Variants in MYO9A observed in about 807,000 individuals in gnomAD.
MYO9A encodes the protein unconventional myosin-IXa.
Under a neutral mutation model 293.3 loss-of-function variants are expected in MYO9A, and 103 were observed. The observed-to-expected ratio is 0.35, with a 90% confidence interval of 0.30 to 0.41. The LOEUF (loss-of-function observed/expected upper bound fraction) is 0.41. Among genes scored for constraint, MYO9A ranks in the 10% least tolerant of loss-of-function variants. The pLI is 1.00. For synonymous variants in MYO9A, 1,001 were observed against 1,035.7 expected (o/e 0.97, Z 0.64); for missense variants, 2,685 against 3,033.0 (o/e 0.89, Z 2.69).
intron 13 of MYO9A, among the ~76,000 whole-genome samples, chr15:71,966,310 G>GTGTGTGTGTGTGTGTGT (rs2075876885): frequency 6.7e-6 from 1 of 149,528 alleles, no homozygotes; most frequent in Non-Finnish European, 1.5e-5. Flanking sequence ...GTGTGTGTAT[G>GTGTGTGTGTGTGTGTGT]ATTCTATTTA....
chr15:72,095,491 A>G (rs2080037058), intron 1 of MYO9A, among the ~76,000 whole-genome samples: 1 of 92,954 alleles, frequency 1.1e-5, no homozygotes, highest in East Asian at 2.3e-4. Context: ...CCACAACATA[A>G]AAGTGCAAGG....
At chr15:72,054,931 A>T (rs1226789814) in intron 1 of MYO9A, among the ~76,000 whole-genome samples, 3 of 141,832 alleles carry the variant, frequency 2.1e-5, no homozygotes, top group African/African-American at 7.6e-5. Context: ...TGAAAGAATT[A>T]AAAAAAAAAA....
intron 14 of MYO9A, among the ~76,000 whole-genome samples, chr15:71,957,868 T>C (rs996952846): frequency 2.0e-5 from 3 of 152,186 alleles, no homozygotes; most frequent in Non-Finnish European, 4.4e-5. Context: ...GCCTAGCCTT[T>C]TTAGACTAGT....
intron 1 of MYO9A, among the ~76,000 whole-genome samples, chr15:72,085,158 G>A (rs2079676392): frequency 6.6e-6 from 1 of 152,160 alleles, no homozygotes; most frequent in Non-Finnish European, 1.5e-5. Context: ...ACTTTGGGAG[G>A]CCAAGGTGGG....
At chr15:71,877,531 A>G (rs2056732064) in intron 31 of MYO9A, among the ~76,000 whole-genome samples, 1 of 152,058 alleles carries the variant, frequency 6.6e-6, no homozygotes, top group Non-Finnish European at 1.5e-5. Context: ...GACCTTGGCT[A>G]ACTACAACCT....
intron 6 of MYO9A, among the ~76,000 whole-genome samples, chr15:72,012,360 T>C (rs1279974970): frequency 6.6e-6 from 1 of 152,176 alleles, no homozygotes; most frequent in Admixed American, 6.5e-5. Flanking sequence ...AATGACGCGA[T>C]GTCTGCTCAG....
At chr15:72,014,393 T>C (rs903419689) in intron 6 of MYO9A, among the ~76,000 whole-genome samples, 14 of 151,920 alleles carry the variant, frequency 9.2e-5, no homozygotes, top group East Asian at 5.8e-4. Flanking sequence ...TTTTAAGAAA[T>C]AGAGACAAGT....
intron 14 of MYO9A, among the ~76,000 whole-genome samples, chr15:71,953,261 C>T (rs759046980): frequency 1.6e-4 from 24 of 152,296 alleles, no homozygotes; most frequent in South Asian, 4.1e-4. Context: ...TGATGGATTG[C>T]TTGGAGAAAG....
chr15:72,100,528 C>T (rs1223556218), intron 1 of MYO9A, among the ~76,000 whole-genome samples: 1 of 145,720 alleles, frequency 6.9e-6, no homozygotes, highest in Non-Finnish European at 1.5e-5. Flanking sequence ...CGCCTCTTTC[C>T]GGCCGCCATC....
At position 71,826,772 on chromosome 15, in the gene MYO9A, A is replaced by T; in HGVS notation, c.7455T>A (p.Pro2485=). ...LGQTKFLEDK[P]QFISRGTFNP... ...TGAAGGTTCCTCTGCTGATGAACTG[A>T]GGCTTGTCTTCCAGGAATTTGGTCT... The change falls in exon 42 of 42, where the codon CCT becomes CCA. Residue 2485 remains proline, a synonymous_variant. Transcript: ENST00000356056. 7 of 1,614,040 alleles carry T rather than the reference A, an allele frequency of 4.3e-6. No homozygotes were observed. Among genetic ancestry groups the T allele is most frequent in the Non-Finnish European group, 5.9e-6 (7 of 1,179,986 alleles).
Position 71,859,771 on chromosome 15 carries a change from C to T in MYO9A, c.6117G>A (p.Lys2039=). 6.2e-7 allele frequency: 1 copy of T among 1,613,392 alleles called. No individual in the cohort carries two copies. Among genetic ancestry groups the T allele is most frequent in the Non-Finnish European group, 8.5e-7 (1 of 1,179,660 alleles). ...CKLCKYACHK[K]CCLKTTAKCS... Reference sequence around the variant, plus strand: ...ACTTGGCTGTGGTTTTCAGACAGCACTTCTTATGGCAAGCATACTTGCATA... The same window carrying T: ...ACTTGGCTGTGGTTTTCAGACAGCATTTCTTATGGCAAGCATACTTGCATA... The change falls in exon 34 of 42, where the codon AAG becomes AAA. Residue 2039 remains lysine, a synonymous_variant. Transcript: ENST00000356056.
chr15:72,057,135 G>A (rs1016422882), intron 1 of MYO9A, among the ~76,000 whole-genome samples: 5 of 151,556 alleles, frequency 3.3e-5, no homozygotes, highest in Non-Finnish European at 7.4e-5. Context: ...AGCCAGGTGT[G>A]GTGGCACATG....
intron 25 of MYO9A, among the ~76,000 whole-genome samples, chr15:71,894,474 G>A (rs1267143692): frequency 6.6e-6 from 1 of 152,208 alleles, no homozygotes; most frequent in East Asian, 1.9e-4. Flanking sequence ...GTACTTGGAA[G>A]GCTGAGGTAG....
At chr15:72,102,069 T>C (rs1236240470) in intron 1 of MYO9A, among the ~76,000 whole-genome samples, 1 of 150,916 alleles carries the variant, frequency 6.6e-6, no homozygotes, top group East Asian at 2.0e-4. Context: ...GGGGAAAAGA[T>C]TGAGAAATCG....
intron 11 of MYO9A, among the ~76,000 whole-genome samples, chr15:71,979,175 T>A (rs1346936367): frequency 6.6e-6 from 1 of 152,186 alleles, no homozygotes; most frequent in Non-Finnish European, 1.5e-5. Flanking sequence ...TATTCATTAT[T>A]ATCCAGTAAA....
rs759371165 is a variant in MYO9A, at chr15:71,898,632, T to C, written c.3871A>G (p.Lys1291Glu). 7 of 1,614,148 alleles carry C rather than the reference T, an allele frequency of 4.3e-6. No homozygotes were observed. Among genetic ancestry groups the C allele is most frequent in the South Asian group, 3.3e-5 (3 of 91,080 alleles). The change falls in exon 25 of 42, where the codon AAA (lysine) becomes GAA (glutamate). Residue 1291 changes from lysine to glutamate, a missense_variant. Coordinates refer to ENST00000356056, the MANE Select transcript of MYO9A (RefSeq NM_006901.4). ...GAAATACCACCAAGAGAACGAACTT[T>C]CAGCAATTCTAAGCTAAATATAGCT... is the stretch of plus-strand genomic sequence containing the variant. ...EQAIFSLELL[K>E]VRSLGGISPS... is the part of the protein sequence containing the mutation.
chr15:71,977,865 G>A (rs569063778), intron 12 of MYO9A, among the ~76,000 whole-genome samples: 5 of 152,064 alleles, frequency 3.3e-5, no homozygotes, highest in South Asian at 2.1e-4. Context: ...GTGAAACCCC[G>A]TCTGTACTAA....
intron 27 of MYO9A, among the ~76,000 whole-genome samples, chr15:71,885,583 T>C (rs1050085863): frequency 1.3e-5 from 2 of 152,116 alleles, no homozygotes; most frequent in Non-Finnish European, 2.9e-5. Context: ...TGCTGTGCAG[T>C]TGTCATTTGA....
chr15:71,854,345 A>T, intron 35 of MYO9A, 32 bp downstream of exon 35: 1 of 1,353,256 alleles, frequency 7.4e-7, no homozygotes, highest in Middle Eastern at 1.9e-4. Flanking sequence ...AAATAAAAGT[A>T]TTTCATTATG....
Sources: gnomAD v4.1 joint callset for allele counts (sites outside exome capture counted in the v4.1 genomes callset) on GRCh38, gnomAD v4.1.1 for gene constraint, MANE v1.5 for transcripts, NCBI Gene and HGNC (gene_info 2026-07-23, HGNC 2026-07-21) for gene names.